Variants in NUCB2 observed in about 807,000 individuals in gnomAD.
NUCB2 encodes the protein nucleobindin 2, also known as nucleobindin-2.
In NUCB2, 48 loss-of-function variants were observed where a neutral mutation model predicts 57.9. The ratio of observed to expected loss-of-function variants is 0.83; its 90% confidence interval spans 0.66 to 1.05. The LOEUF (loss-of-function observed/expected upper bound fraction) is 1.05, where lower values mean the gene tolerates loss of function less well. Among genes scored for constraint, NUCB2 ranks in the 50% least tolerant of loss-of-function variants. NUCB2 has a pLI of 0.00. For missense variants in NUCB2, 442 were observed against 476.2 expected (o/e 0.93, Z 0.67); for synonymous variants, 139 against 152.1 (o/e 0.91, Z 0.64).
In NUCB2 at chr11:17,330,197, A is replaced by C. The variant is rs757314585; in HGVS notation, c.1073A>C (p.Glu358Ala). ...TATGAAAATATTATTGCTTTACAAG[A>C]AAATGAACTTAAGAAGAAGGCAGAT... ...KEYENIIALQ[E>A]NELKKKADEL... The change falls in exon 12 of 14, where the codon GAA becomes GCA. Residue 358 changes from glutamate to alanine, a missense_variant. By Grantham distance (107) the Glu-to-Ala change is moderately radical. Transcript: ENST00000529010. The surrounding 1 kb of genome is among the most constrained non-coding windows in gnomAD (Gnocchi z 4.3). 1.2e-6 allele frequency: 2 copies of C among 1,603,296 alleles called. No individual in the cohort carries two copies. Among genetic ancestry groups the C allele is most frequent in the South Asian group, 1.1e-5 (1 of 90,140 alleles).
chr11:17,311,729 A>G, intron 8 of NUCB2, 143 bp from the exon 9 acceptor site: 1 of 541,620 alleles, frequency 1.8e-6, no homozygotes, highest in Non-Finnish European at 3.3e-6. Flanking sequence ...CTAAAGCTTC[A>G]TGACAAAGAA....
intron 2 of NUCB2, among the ~76,000 whole-genome samples, chr11:17,349,072 G>A (rs1261005271): frequency 3.3e-5 from 5 of 152,216 alleles, no homozygotes; most frequent in South Asian, 4.1e-4. Flanking sequence ...GAGCCACCGC[G>A]CCCAGCAGAA....
chr11:17,291,728 G>T (rs1944978270), intron 2 of NUCB2, among the ~76,000 whole-genome samples: 1 of 152,024 alleles, frequency 6.6e-6, no homozygotes, highest in African/African-American at 2.4e-5. Context: ...CTTTGTTTCT[G>T]CTTCCACAGA....
intron 1 of NUCB2, among the ~76,000 whole-genome samples, chr11:17,280,069 A>G (rs1221972547): frequency 6.6e-6 from 1 of 152,184 alleles, no homozygotes; most frequent in Non-Finnish European, 1.5e-5. Flanking sequence ...CTGGAATTAC[A>G]GGCATGAGCC....
At chr11:17,309,825 T>C in intron 6 of NUCB2, 150 bp downstream of exon 6, 1 of 517,432 alleles carries the variant, frequency 1.9e-6, no homozygotes, top group Non-Finnish European at 3.3e-6. Flanking sequence ...AATACAGATA[T>C]TAATATGTAC....
chr11:17,342,734 T>C (rs1262095972), intron 2 of NUCB2, among the ~76,000 whole-genome samples: 1 of 149,462 alleles, frequency 6.7e-6, no homozygotes, highest in Non-Finnish European at 1.5e-5. Context: ...TACTTCCAAG[T>C]ATGTGGTCAA....
intron 11 of NUCB2, among the ~76,000 whole-genome samples, chr11:17,325,711 A>G (rs1950579411): frequency 1.3e-5 from 2 of 151,868 alleles, no homozygotes; most frequent in Non-Finnish European, 2.9e-5. Context: ...TACTCCTGCC[A>G]TTTTGTTATT....
downstream of NUCB2, chr11:17,332,438 A>C (rs1951489136): frequency 6.6e-6 from 1 of 151,334 alleles, no homozygotes; most frequent in African/African-American, 2.4e-5. Context: ...TTGGTAGGCA[A>C]CTTTGGATTT....
chr11:17,285,883 C>A (rs1396818035), intron 2 of NUCB2, among the ~76,000 whole-genome samples: 2 of 151,634 alleles, frequency 1.3e-5, no homozygotes, highest in Non-Finnish European at 2.9e-5. Context: ...GGATATCTTG[C>A]CCAACAATCA....
At position 17,284,978 on chromosome 11, in the gene NUCB2, A is replaced by T. The variant is rs188529514; in HGVS notation, c.-1+2035A>T. Among the ~76,000 whole-genome samples the T allele has an allele frequency of 7.2e-5, 11 of 152,044 alleles. No individual in the cohort carries two copies. The East Asian group carries it at 2.1e-3, about 30-fold the overall frequency. On this transcript the variant is annotated intron_variant, in intron 2 of 13. Coordinates refer to ENST00000529010, the MANE Select transcript of NUCB2 (RefSeq NM_005013.4). ...ACCATAGTCATTACTTAATACATAA[A>T]TATTAGTTTAGTTTTGTTTTTAGAA...
At chr11:17,301,966 C>A in intron 5 of NUCB2, 96 bp downstream of exon 5, 1 of 1,007,990 alleles carries the variant, frequency 9.9e-7, no homozygotes, top group Non-Finnish European at 1.5e-6. Flanking sequence ...GTGGCACAAT[C>A]ACAGTTCACT....
At chr11:17,310,426 C>T (rs1948312732) in intron 6 of NUCB2, among the ~76,000 whole-genome samples, 1 of 152,126 alleles carries the variant, frequency 6.6e-6, no homozygotes, top group African/African-American at 2.4e-5. Context: ...CACCCAAGGT[C>T]AGCAGTTCAA....
intron 10 of NUCB2, among the ~76,000 whole-genome samples, chr11:17,314,242 A>T (rs968130640): frequency 6.6e-6 from 1 of 152,092 alleles, no homozygotes; most frequent in Non-Finnish European, 1.5e-5. Flanking sequence ...AGTCCAAGCA[A>T]GTCTCCTAAC....
intron 2 of NUCB2, among the ~76,000 whole-genome samples, chr11:17,294,862 A>G (rs1945553041): frequency 2.0e-5 from 3 of 152,032 alleles, no homozygotes; most frequent in African/African-American, 7.2e-5. Context: ...AGCCTGACCA[A>G]AAGAGAGAAA....
chr11:17,333,411 TTTG>T (rs1185505933), downstream of NUCB2: 11 of 152,494 alleles, frequency 7.2e-5, no homozygotes, highest in Non-Finnish European at 1.2e-4. Context: ...GGTTTGGGTT[TTTG>T]TTGTTGTTTT....
At chr11:17,310,455 G>T (rs1441196490) in intron 6 of NUCB2, among the ~76,000 whole-genome samples, 1 of 152,144 alleles carries the variant, frequency 6.6e-6, no homozygotes, top group Non-Finnish European at 1.5e-5. Context: ...TGGCCAACAT[G>T]GTGAAACCCT....
chr11:17,285,794 T>A (rs1943624844), intron 2 of NUCB2, among the ~76,000 whole-genome samples: 1 of 151,254 alleles, frequency 6.6e-6, no homozygotes, highest in Non-Finnish European at 1.5e-5. Flanking sequence ...CAGAGACTAC[T>A]TCCAAGGAAA....
downstream of NUCB2, among the ~76,000 whole-genome samples, chr11:17,336,309 A>G (rs779762581): frequency 7.2e-5 from 11 of 152,100 alleles, no homozygotes; most frequent in Non-Finnish European, 1.0e-4. Context: ...ATCTGAAATG[A>G]GCATTTTCTT....
At chr11:17,281,183 A>G (rs1269875867) in intron 1 of NUCB2, among the ~76,000 whole-genome samples, 1 of 151,998 alleles carries the variant, frequency 6.6e-6, no homozygotes, top group Non-Finnish European at 1.5e-5. Flanking sequence ...AGGCTGGAGT[A>G]CATTGGTATG....
Sources: gnomAD v4.1 joint callset for allele counts (sites outside exome capture counted in the v4.1 genomes callset) on GRCh38, gnomAD v4.1.1 for gene constraint, Gnocchi (gnomAD v3.1) non-coding constraint, MANE v1.5 for transcripts, NCBI Gene and HGNC (gene_info 2026-07-23, HGNC 2026-07-21) for gene names.